Variants in FOXP2 observed in about 807,000 individuals in gnomAD.
FOXP2 encodes the protein forkhead box P2.
Under a neutral mutation model 115.8 loss-of-function variants are expected in FOXP2, and 12 were observed. The observed-to-expected ratio is 0.10, with a 90% confidence interval of 0.07 to 0.17. The LOEUF is 0.17. Among genes scored for constraint, FOXP2 ranks in the 10% least tolerant of loss-of-function variants. The pLI is 1.00. For synonymous variants in FOXP2, 328 were observed against 297.7 expected, an observed-to-expected ratio of 1.10 and a Z score of -1.05; for missense variants, 629 against 843.5, an observed-to-expected ratio of 0.75 and a Z score of 3.15.
At chr7:114,598,244 A>G (rs1802831354) in intron 3 of FOXP2, among the ~76,000 whole-genome samples, 1 of 152,118 alleles carries the variant, frequency 6.6e-6, no homozygotes, top group Non-Finnish European at 1.5e-5. Flanking sequence ...CTTTATTCTC[A>G]TATGCATCCC....
At chr7:114,509,863 C>T (rs1409881274) in intron 2 of FOXP2, among the ~76,000 whole-genome samples, 4 of 150,698 alleles carry the variant, frequency 2.7e-5, no homozygotes, top group Non-Finnish European at 5.9e-5. Flanking sequence ...CTGAGTAAGA[C>T]CACCTGGTGA....
intron 1 of FOXP2, among the ~76,000 whole-genome samples, chr7:114,257,465 T>C (rs1468497678): frequency 1.4e-5 from 2 of 146,962 alleles, no homozygotes; most frequent in Non-Finnish European, 3.0e-5. Context: ...TTTTTTTTTT[T>C]TTTTTTGAGA....
chr7:114,318,567 T>C (rs1797332174), intron 2 of FOXP2, among the ~76,000 whole-genome samples: 2 of 151,974 alleles, frequency 1.3e-5, no homozygotes, highest in Non-Finnish European at 2.9e-5. Flanking sequence ...TTCAGGTACA[T>C]TTCTAATAAA....
intron 2 of FOXP2, among the ~76,000 whole-genome samples, chr7:114,300,198 A>C (rs1796845676): frequency 6.6e-6 from 1 of 152,112 alleles, no homozygotes; most frequent in South Asian, 2.1e-4. Context: ...AGATATATAG[A>C]TTCCATATTT....
At position 114,684,094 on chromosome 7, in the gene FOXP2, G is replaced by A. The variant is rs1022871162; in HGVS notation, c.2004-5688G>A. Among the ~76,000 whole-genome samples the A allele has an allele frequency of 3.9e-5, 6 of 152,136 alleles. No homozygotes were observed. In the East Asian group the frequency reaches 1.2e-3, roughly 29 times the overall value. ...GGGTCTTGCTTTGTTGCCCAGGCTG[G>A]CATTCCTCCCACCTCAGCCTCCCAA... On this transcript the variant is annotated intron_variant, in intron 16 of 16. Transcript: ENST00000350908.
upstream of FOXP2, among the ~76,000 whole-genome samples, chr7:114,159,840 A>G (rs1367160373): frequency 6.6e-6 from 1 of 152,228 alleles, no homozygotes; most frequent in Non-Finnish European, 1.5e-5. Flanking sequence ...ACATGTATAC[A>G]TAGGAGCCCT....
At chr7:114,233,789 G>A (rs1165018706) in intron 1 of FOXP2, among the ~76,000 whole-genome samples, 1 of 152,216 alleles carries the variant, frequency 6.6e-6, no homozygotes, top group Non-Finnish European at 1.5e-5. Context: ...GAGGCAGGCA[G>A]ATCACTTGAT....
intron 2 of FOXP2, among the ~76,000 whole-genome samples, chr7:114,331,650 C>A (rs1023157085): frequency 1.1e-4 from 16 of 151,020 alleles, no homozygotes; most frequent in African/African-American, 3.4e-4. Flanking sequence ...AAGTCCTTTT[C>A]TGACATTTTC....
chr7:114,221,326 T>A (rs1794615484), intron 1 of FOXP2, among the ~76,000 whole-genome samples: 1 of 152,146 alleles, frequency 6.6e-6, no homozygotes, highest in Non-Finnish European at 1.5e-5. Context: ...TTCTAGGAAG[T>A]CAATGGGCAG....
At chr7:114,195,502 ATGT>A (rs975248116) in intron 1 of FOXP2, among the ~76,000 whole-genome samples, 2 of 152,136 alleles carry the variant, frequency 1.3e-5, no homozygotes, top group Admixed American at 6.5e-5. Context: ...AATGTATTAG[ATGT>A]TGTTATTATA....
chr7:114,434,257 T>C (rs938984552), intron 2 of FOXP2, among the ~76,000 whole-genome samples: 9 of 151,828 alleles, frequency 5.9e-5, no homozygotes, highest in African/African-American at 2.2e-4. Flanking sequence ...TAAAAGAAAA[T>C]GTGTTGCTTT....
intron 2 of FOXP2, among the ~76,000 whole-genome samples, chr7:114,438,668 C>A (rs1794459024): frequency 6.6e-6 from 1 of 151,866 alleles, no homozygotes; most frequent in African/African-American, 2.4e-5. Flanking sequence ...GAGAAATTTG[C>A]TGAAGAATAA....
intron 2 of FOXP2, among the ~76,000 whole-genome samples, chr7:114,435,268 A>T (rs1440519773): frequency 1.3e-5 from 2 of 152,164 alleles, no homozygotes; most frequent in African/African-American, 4.8e-5. Flanking sequence ...CTCAGTCTAA[A>T]TTGTCAAGAA....
intron 1 of FOXP2, among the ~76,000 whole-genome samples, chr7:114,206,755 T>C (rs1794211493): frequency 6.6e-6 from 1 of 152,258 alleles, no homozygotes; most frequent in Non-Finnish European, 1.5e-5. Flanking sequence ...GGTTTTGAGC[T>C]ATCTTACATG....
At chr7:114,680,051 A>G (rs1028921965) in intron 16 of FOXP2, among the ~76,000 whole-genome samples, 1 of 152,166 alleles carries the variant, frequency 6.6e-6, no homozygotes, top group Non-Finnish European at 1.5e-5. Context: ...CTTCAATTTC[A>G]GTTACTGACT....
rs1362984312 is a variant in FOXP2 at position 114,642,565 on chromosome 7, A to G, written c.931A>G (p.Ile311Val). 1 of 1,613,830 alleles carries G rather than the reference A, an allele frequency of 6.2e-7. No individual in the cohort carries two copies. Among genetic ancestry groups the G allele is most frequent in the South Asian group, 1.1e-5 (1 of 91,062 alleles). The stretch of plus-strand genomic sequence containing the variant: ...CAACACTTCCAAAGCATCACCACCA[A>G]TAACTCATCATTCCATAGTGAATGG... ...SSNTSKASPP[I>V]THHSIVNGQS... Residue 311 changes from isoleucine (I) to valine (V), a missense_variant, in exon 7 of 17, where the codon ATA becomes GTA. Coordinates refer to ENST00000350908, the MANE Select transcript of FOXP2 (RefSeq NM_014491.4).
At chr7:114,451,085 T>C (rs974870406) in intron 2 of FOXP2, among the ~76,000 whole-genome samples, 3 of 152,256 alleles carry the variant, frequency 2.0e-5, no homozygotes, top group African/African-American at 7.2e-5. Context: ...ACTAATGTTT[T>C]TTATAGTGTA....
intron 2 of FOXP2, among the ~76,000 whole-genome samples, chr7:114,349,507 A>G (rs1010283299): frequency 6.6e-6 from 1 of 152,082 alleles, no homozygotes; most frequent in African/African-American, 2.4e-5. Context: ...AGCTTTTATC[A>G]TTTATTCGAT....
At chr7:114,308,668 A>G (rs1797072381) in intron 2 of FOXP2, among the ~76,000 whole-genome samples, 1 of 152,178 alleles carries the variant, frequency 6.6e-6, no homozygotes, top group Admixed American at 6.5e-5. Context: ...ATGCCTGTGG[A>G]AGGTAGAAGC....
Sources: gnomAD v4.1 joint callset for allele counts (sites outside exome capture counted in the v4.1 genomes callset) on GRCh38, gnomAD v4.1.1 for gene constraint, MANE v1.5 for transcripts, NCBI Gene and HGNC (gene_info 2026-07-23, HGNC 2026-07-21) for gene names.